Variants in SLC36A4 observed in about 807,000 individuals in gnomAD.
SLC36A4 encodes the protein neutral amino acid uniporter 4.
Under a neutral mutation model 50.5 loss-of-function variants are expected in SLC36A4, and 49 were observed. The observed-to-expected ratio is 0.97, with a 90% confidence interval of 0.77 to 1.23. The LOEUF (loss-of-function observed/expected upper bound fraction) is 1.23. Ranked by LOEUF, SLC36A4 falls within the 50% of genes most tolerant of loss-of-function variation. The probability of loss-of-function intolerance (pLI) is 0.00; values close to 1 mark genes in which losing one functional copy is unlikely to be tolerated. For synonymous variants in SLC36A4, 207 were observed against 206.5 expected, an observed-to-expected ratio of 1.00 and a Z score of -0.02; for missense variants, 611 against 608.4, an observed-to-expected ratio of 1.00 and a Z score of -0.05.
Position 93,165,934 on chromosome 11 carries a change from A to G in SLC36A4, c.851T>C (p.Phe284Ser). Residue 284 changes from phenylalanine to serine, a missense_variant, in exon 8 of 11, where the codon TTT (phenylalanine) becomes TCT (serine). Phe to Ser is a radical substitution (Grantham distance 155). Coordinates refer to ENST00000326402, the MANE Select transcript of SLC36A4 (RefSeq NM_152313.4). Reference protein sequence around the residue: ...PLFFGTAVFAFEGIGVVLPLE... With the variant: ...PLFFGTAVFASEGIGVVLPLE... ...AATTCTTACCACTCCTATGCCTTCA[A>G]AAGCAAATACAGCAGTACCAAAAAA... 2 of 1,606,896 alleles carry G rather than the reference A, an allele frequency of 1.2e-6. No individual in the cohort carries two copies. The highest frequency in any genetic ancestry group is 4.5e-5 in the East Asian group (2 of 44,738).
chr11:93,169,472 C>T (rs1450092712), intron 6 of SLC36A4, among the ~76,000 whole-genome samples: 1 of 152,044 alleles, frequency 6.6e-6, no homozygotes, highest in Non-Finnish European at 1.5e-5. Flanking sequence ...AATTAAGAGG[C>T]CAACAAATCA....
chr11:93,154,085 T>C (rs766388493), intron 10 of SLC36A4, 23 bp downstream of exon 10: 5 of 1,140,574 alleles, frequency 4.4e-6, no homozygotes, highest in African/African-American at 3.3e-5. Flanking sequence ...ATTATTATGA[T>C]ATAAATATAT....
intron 1 of SLC36A4, among the ~76,000 whole-genome samples, chr11:93,189,393 A>T (rs367987317): frequency 2.6e-5 from 4 of 151,622 alleles, no homozygotes; most frequent in African/African-American, 9.7e-5. Context: ...CAATTACCCT[A>T]TTTCTAAATA....
chr11:93,171,147 T>C (rs1861116486), intron 6 of SLC36A4: 3 of 152,016 alleles, frequency 2.0e-5, no homozygotes, highest in East Asian at 1.9e-4. Context: ...TGTTACTCTT[T>C]ATGATTCAAA....
intron 7 of SLC36A4, chr11:93,167,080 A>G (rs1243010727): frequency 1.3e-5 from 2 of 152,140 alleles, no homozygotes; most frequent in Non-Finnish European, 2.9e-5. Flanking sequence ...CGGAAAGCCT[A>G]TATGAACTTC....
chr11:93,145,739 A>C lies in SLC36A4; in HGVS notation c.*2798T>G, dbSNP rs1684277782. 6.6e-6 allele frequency: 1 copy of C among 152,112 alleles called. No individual in the cohort carries two copies. The highest frequency in any genetic ancestry group is 1.5e-5 in the Non-Finnish European group (1 of 67,992). The allele number at this position is 152,112 out of a possible 1,614,324, so 9.4% of individuals were successfully genotyped here. A position where few individuals can be genotyped will look rare whatever the true frequency, so the allele number is the denominator to read the frequency against. On this transcript the variant is annotated 3_prime_UTR_variant, in exon 11 of 11. Transcript: ENST00000326402. ...ATTTTAGTCACAGTGTGATGATCCA[A>C]AAGTGATGAGATACAAAATTTGACA... is the stretch of plus-strand genomic sequence containing the variant.
intron 1 of SLC36A4, 151 bp downstream of exon 1, chr11:93,197,627 G>A (rs1862484496): frequency 3.7e-6 from 3 of 819,196 alleles, no homozygotes; most frequent in Non-Finnish European, 5.7e-6. Context: ...CAGATAACCG[G>A]TTCCTTTGCG....
chr11:93,183,062 G>A (rs10831001), intron 3 of SLC36A4, among the ~76,000 whole-genome samples, 168 bp from the exon 4 acceptor site: 32,902 of 152,012 alleles, frequency 0.22, 4,033 homozygotes, highest in East Asian at 0.43. Flanking sequence ...AAGGAATTTC[G>A]AGTAATATTT....
chr11:93,189,879 A>G (rs1862142452), intron 1 of SLC36A4, among the ~76,000 whole-genome samples: 1 of 152,206 alleles, frequency 6.6e-6, no homozygotes, highest in Admixed American at 6.5e-5. Flanking sequence ...TATTTTTAAT[A>G]TCATTTAAAA....
At chr11:93,155,002 G>A (rs1171007204) in intron 9 of SLC36A4, 5 of 151,868 alleles carry the variant, frequency 3.3e-5, no homozygotes, top group South Asian at 4.2e-4. Flanking sequence ...TCAAAACTTC[G>A]CATGCATGTC....
chr11:93,147,493 G>T lies in SLC36A4; in HGVS notation c.*1044C>A, dbSNP rs542150263. On this transcript the variant is annotated 3_prime_UTR_variant, in exon 11 of 11. Coordinates refer to ENST00000326402, the MANE Select transcript of SLC36A4 (RefSeq NM_152313.4). ...GCTAGACACACATCTTACTAGCCAG[G>T]AGTTTCACCAGCAAGCGGTCTCTAT... is the stretch of plus-strand genomic sequence containing the variant. 1 of 152,070 alleles carries T rather than the reference G, an allele frequency of 6.6e-6. No homozygotes were observed. Among genetic ancestry groups the T allele is most frequent in the Non-Finnish European group, 1.5e-5 (1 of 67,994 alleles). The allele number at this position is 152,070 out of a possible 1,614,324, so 9.4% of individuals were successfully genotyped here.
At chr11:93,175,587 T>A (rs1861422676) in intron 6 of SLC36A4, among the ~76,000 whole-genome samples, 1 of 107,712 alleles carries the variant, frequency 9.3e-6, no homozygotes, top group Non-Finnish European at 2.3e-5. Flanking sequence ...GGGCATTTAG[T>A]GCTATACATT....
chr11:93,197,983 G>A lies in SLC36A4; in HGVS notation c.-151C>T. ...CCGGCGCTCCCCAACCGCGCGGCGA[G>A]GAGCATGCGCAGTGGGACAGCCCGG... On this transcript the variant is annotated 5_prime_UTR_variant, in exon 1 of 11. Coordinates refer to ENST00000326402, the MANE Select transcript of SLC36A4 (RefSeq NM_152313.4). The A allele has an allele frequency of 1.3e-6, 1 of 791,240 alleles. No homozygotes were observed. Among genetic ancestry groups the A allele is most frequent in the Non-Finnish European group, 1.8e-6 (1 of 552,092 alleles). 49.0% of individuals were successfully genotyped at this position (791,240 alleles called of 1,614,324 possible).
At chr11:93,182,986 G>T in intron 3 of SLC36A4, 92 bp from the exon 4 acceptor site, 1 of 833,870 alleles carries the variant, frequency 1.2e-6, no homozygotes, top group African/African-American at 1.8e-5. Flanking sequence ...CACGTGCAGT[G>T]AATAAATATT....
intron 9 of SLC36A4, 109 bp downstream of exon 9, chr11:93,162,596 GT>G: frequency 1.0e-6 from 1 of 964,704 alleles, no homozygotes; most frequent in Non-Finnish European, 1.5e-6. Flanking sequence ...GGAAATCACA[GT>G]AAAAATTTTA....
chr11:93,166,890 C>T (rs1860893426), intron 7 of SLC36A4: 2 of 152,168 alleles, frequency 1.3e-5, no homozygotes, highest in South Asian at 2.1e-4. Flanking sequence ...AAACCATATA[C>T]TGGGTTTAGA....
rs116966285 is a variant in SLC36A4 at position 93,145,858 on chromosome 11, G to A, written c.*2679C>T. ...CTCCAAAATCTTTAGGAAATTTTAC[G>A]ACTTATTAAAGCTAAATTTTCAGAG... is the stretch of plus-strand genomic sequence containing the variant. On this transcript the variant is annotated 3_prime_UTR_variant, in exon 11 of 11. Transcript: ENST00000326402. 3 of 152,120 alleles carry A rather than the reference G, an allele frequency of 2.0e-5. No individual in the cohort carries two copies. Among genetic ancestry groups the A allele is most frequent in the South Asian group, 4.1e-4 (2 of 4,822 alleles). The allele number at this position is 152,120 out of a possible 1,614,324, so 9.4% of individuals were successfully genotyped here. A position where few individuals can be genotyped will look rare whatever the true frequency, so the allele number is the denominator to read the frequency against.
At chr11:93,186,738 C>A (rs1030816614) in intron 1 of SLC36A4, among the ~76,000 whole-genome samples, 2 of 152,122 alleles carry the variant, frequency 1.3e-5, no homozygotes, top group South Asian at 4.1e-4. Context: ...CATGTATCTA[C>A]AATCAATATC....
At chr11:93,182,374 C>T (rs1038919020) in intron 4 of SLC36A4, 27 of 264,768 alleles carry the variant, frequency 1.0e-4, no homozygotes, top group Admixed American at 3.9e-4. Context: ...GTCTACTGTC[C>T]AGTAGAAGTA....
Sources: allele counts gnomAD v4.1 joint callset (sites outside exome capture counted in the v4.1 genomes callset), GRCh38; gene constraint gnomAD v4.1.1; transcripts MANE v1.5; gene names NCBI Gene and HGNC (gene_info 2026-07-23, HGNC 2026-07-21).